TSHZ2: variants seen among roughly 807,000 people sequenced by gnomAD.
The protein encoded by TSHZ2 is teashirt homolog 2.
A neutral mutation model predicts 74.4 loss-of-function variants in TSHZ2; 21 were observed. The ratio of observed to expected loss-of-function variants is 0.28; its 90% CI spans 0.20 to 0.41. TSHZ2 has a LOEUF of 0.41. Among genes scored for constraint, TSHZ2 ranks in the 10% least tolerant of loss-of-function variants. The pLI is 1.00. For synonymous variants in TSHZ2, 540 were observed against 515.3 expected (o/e 1.05, Z -0.65); for missense variants, 1,244 against 1,293.5 (o/e 0.96, Z 0.59).
At chr20:53,008,583 C>A in intron 1 of TSHZ2, among the ~76,000 whole-genome samples, 1 of 148,832 alleles carries the variant, frequency 6.7e-6, no homozygotes, top group Non-Finnish European at 1.5e-5. Flanking sequence ...CGGGAATTGA[C>A]ATTGATACTT....
At chr20:53,117,880 A>G (rs1986712770) in intron 1 of TSHZ2, among the ~76,000 whole-genome samples, 3 of 152,202 alleles carry the variant, frequency 2.0e-5, no homozygotes, top group Non-Finnish European at 4.4e-5. Context: ...GTCTTCCCTC[A>G]ATCTACCTGT....
At chr20:53,114,040 G>C (rs920278832) in intron 1 of TSHZ2, among the ~76,000 whole-genome samples, 21 of 150,990 alleles carry the variant, frequency 1.4e-4, no homozygotes, top group African/African-American at 5.1e-4. Flanking sequence ...GCTGCAGTGA[G>C]CTGTGATCAT....
chr20:53,079,669 G>A (rs1985471825), intron 1 of TSHZ2, among the ~76,000 whole-genome samples: 1 of 152,084 alleles, frequency 6.6e-6, no homozygotes, highest in Admixed American at 6.6e-5. Context: ...GCCCCACACT[G>A]GTAATAAAAC....
chr20:53,454,561 CAAA>C (rs1250214885), intron 2 of TSHZ2, among the ~76,000 whole-genome samples: 3 of 104,612 alleles, frequency 2.9e-5, no homozygotes, highest in African/African-American at 7.0e-5. Flanking sequence ...AACTTGGTCT[CAAA>C]AAAAAAAAAA....
intron 1 of TSHZ2, among the ~76,000 whole-genome samples, chr20:53,148,125 C>T (rs1987589329): frequency 6.6e-6 from 1 of 152,188 alleles, no homozygotes; most frequent in African/African-American, 2.4e-5. Flanking sequence ...TCTCTAAATT[C>T]CTACAGCTAA....
At chr20:53,285,318 G>T (rs1991144323) in intron 2 of TSHZ2, among the ~76,000 whole-genome samples, 1 of 152,136 alleles carries the variant, frequency 6.6e-6, no homozygotes. Context: ...GAGAGGATTG[G>T]ATTCATTTTT....
intron 1 of TSHZ2, among the ~76,000 whole-genome samples, chr20:53,206,911 G>T (rs181265320): frequency 6.6e-6 from 1 of 152,150 alleles, no homozygotes; most frequent in African/African-American, 2.4e-5. Flanking sequence ...CCATCCACCT[G>T]GTGCTGTTTG....
intron 1 of TSHZ2, among the ~76,000 whole-genome samples, chr20:53,156,336 G>A (rs1255755259): frequency 2.0e-5 from 3 of 152,178 alleles, no homozygotes; most frequent in Non-Finnish European, 2.9e-5. Flanking sequence ...GATGGTGTCT[G>A]CCTGGAAGGA....
At chr20:53,401,103 G>A (rs1191911161) in intron 2 of TSHZ2, 1 of 152,176 alleles carries the variant, frequency 6.6e-6, no homozygotes, top group Non-Finnish European at 1.5e-5. Context: ...GGACATTCCT[G>A]CATCGTTGGT....
At chr20:53,227,205 A>G (rs1479644184) in intron 1 of TSHZ2, among the ~76,000 whole-genome samples, 1 of 152,048 alleles carries the variant, frequency 6.6e-6, no homozygotes, top group African/African-American at 2.4e-5. Flanking sequence ...GGAGAAACCC[A>G]TGCATTCCTA....
intron 1 of TSHZ2, among the ~76,000 whole-genome samples, chr20:53,108,312 C>T (rs1986437156): frequency 2.0e-5 from 3 of 152,194 alleles, no homozygotes; most frequent in Admixed American, 2.0e-4. Context: ...GAATTATTTT[C>T]CTCTGTGCTT....
chr20:53,247,575 A>G (rs1004463263), intron 1 of TSHZ2, among the ~76,000 whole-genome samples: 1 of 152,214 alleles, frequency 6.6e-6, no homozygotes, highest in Non-Finnish European at 1.5e-5. Context: ...GACCACAGTC[A>G]CCCAAACACT....
At chr20:53,401,547 C>T (rs1342265544) in intron 2 of TSHZ2, among the ~76,000 whole-genome samples, 1 of 50,358 alleles carries the variant, frequency 2.0e-5, no homozygotes, top group Non-Finnish European at 3.8e-5. Context: ...TCACTCCTTC[C>T]AACCCCTCCC....
chr20:53,190,118 TA>T (rs1988697813), intron 1 of TSHZ2, among the ~76,000 whole-genome samples: 5 of 92,884 alleles, frequency 5.4e-5, no homozygotes, highest in African/African-American at 2.1e-4. Flanking sequence ...TATATATATA[TA>T]TATATATATA....
At position 53,001,809 on chromosome 20, in the gene TSHZ2, A is replaced by G. The variant is rs560915986; in HGVS notation, c.40+28476A>G. On this transcript the variant is annotated intron_variant, in intron 1 of 2. Coordinates refer to ENST00000371497, the MANE Select transcript of TSHZ2 (RefSeq NM_173485.6). Reference sequence around the variant, plus strand: ...ATGTCTTCCCTATTGAGTTTCATAAACAGAGTATCATTGTTTGATAGTGGC... The same window carrying G: ...ATGTCTTCCCTATTGAGTTTCATAAGCAGAGTATCATTGTTTGATAGTGGC... 1.5e-4 allele frequency among the ~76,000 whole-genome samples: 23 copies of G among 152,356 alleles called. No individual in the cohort carries two copies. In the South Asian group the frequency reaches 4.1e-3, roughly 27 times the overall value.
At chr20:53,323,431 T>TGAATGAATGAC (rs1555850509) in intron 2 of TSHZ2, among the ~76,000 whole-genome samples, 8 of 37,624 alleles carry the variant, frequency 2.1e-4, no homozygotes, top group Admixed American at 1.5e-3. Context: ...GAATGAATGA[T>TGAATGAATGAC]GTAGTTAAAG....
intron 2 of TSHZ2, among the ~76,000 whole-genome samples, chr20:53,331,776 C>T (rs770856075): frequency 2.7e-4 from 41 of 151,930 alleles, no homozygotes; most frequent in Non-Finnish European, 3.4e-4. Flanking sequence ...TGGGTGGAGT[C>T]GGGGCATGTG....
At chr20:53,100,435 AG>A (rs1381194489) in intron 1 of TSHZ2, among the ~76,000 whole-genome samples, 4 of 152,188 alleles carry the variant, frequency 2.6e-5, no homozygotes, top group Non-Finnish European at 5.9e-5. Context: ...TAAAAAATAA[AG>A]TGCATATTAT....
intron 2 of TSHZ2, among the ~76,000 whole-genome samples, chr20:53,483,777 T>C (rs927502279): frequency 2.0e-5 from 3 of 152,222 alleles, no homozygotes; most frequent in East Asian, 1.9e-4. Context: ...ACAGGAACTA[T>C]AATAAAATCA....
Sources: allele counts gnomAD v4.1 joint callset (sites outside exome capture counted in the v4.1 genomes callset), GRCh38; gene constraint gnomAD v4.1.1; transcripts MANE v1.5; gene names NCBI Gene and HGNC (gene_info 2026-07-23, HGNC 2026-07-21).